HS6ST3: variants seen among roughly 807,000 people sequenced by gnomAD.
HS6ST3 encodes heparan-sulfate 6-O-sulfotransferase 3.
HS6ST3 carries 12 observed loss-of-function variants against 36.7 expected under a neutral mutation model. The ratio of observed to expected loss-of-function variants is 0.33; its 90% CI spans 0.21 to 0.53. The LOEUF (loss-of-function observed/expected upper bound fraction) is 0.53. HS6ST3 is among the 20% of genes least tolerant of loss of function. The pLI is 0.95. For synonymous variants in HS6ST3, 240 were observed against 257.5 expected, an observed-to-expected ratio of 0.93 and a Z score of 0.65; for missense variants, 584 against 640.9, an observed-to-expected ratio of 0.91 and a Z score of 0.96.
At chr13:96,222,345 G>A (rs564225741) in intron 1 of HS6ST3, among the ~76,000 whole-genome samples, 111 of 152,340 alleles carry the variant, frequency 7.3e-4, no homozygotes, top group African/African-American at 2.5e-3. Flanking sequence ...ATTGAAAGGT[G>A]ATTGCAACAT....
In HS6ST3 at chr13:96,432,745, T is replaced by C. The variant is rs192889625; in HGVS notation, c.707+341176T>C. Among the ~76,000 whole-genome samples, 801 of 152,176 alleles carry C rather than the reference T, an allele frequency of 5.3e-3. 4 individuals are homozygous for C. The highest frequency in any genetic ancestry group is 9.0e-3 in the Non-Finnish European group (614 of 67,998). On this transcript the variant is annotated intron_variant, in intron 1 of 1. Transcript: ENST00000376705. ...AACATGGGCAGGAATGAGGAGAAAG[T>C]GAGAGGATGAAAATGAGAGAATCAA...
chr13:96,830,908 C>A (rs997022696), intron 1 of HS6ST3, among the ~76,000 whole-genome samples: 1 of 152,152 alleles, frequency 6.6e-6, no homozygotes, highest in African/African-American at 2.4e-5. Flanking sequence ...TGCTAAAGGA[C>A]AAAAGGCTGC....
At chr13:96,522,199 A>G (rs2056096337) in intron 1 of HS6ST3, among the ~76,000 whole-genome samples, 3 of 152,182 alleles carry the variant, frequency 2.0e-5, no homozygotes, top group South Asian at 4.1e-4. Context: ...ATTTGATTCC[A>G]CTATGGTCTC....
At chr13:96,221,797 A>G (rs555018533) in intron 1 of HS6ST3, among the ~76,000 whole-genome samples, 66 of 152,362 alleles carry the variant, frequency 4.3e-4, no homozygotes, top group African/African-American at 1.6e-3. Context: ...TGTAAGCAAC[A>G]TAGAAGATCC....
chr13:96,134,627 T>C (rs1188128803), intron 1 of HS6ST3, among the ~76,000 whole-genome samples: 1 of 152,226 alleles, frequency 6.6e-6, no homozygotes, highest in Non-Finnish European at 1.5e-5. Flanking sequence ...ATATTCCATT[T>C]CTTTATTATT....
intron 1 of HS6ST3, among the ~76,000 whole-genome samples, chr13:96,570,940 A>G (rs1400582393): frequency 1.3e-5 from 2 of 152,110 alleles, no homozygotes; most frequent in Admixed American, 1.3e-4. Flanking sequence ...ATATGAGCAG[A>G]ATTCTGTGTG....
intron 1 of HS6ST3, among the ~76,000 whole-genome samples, chr13:96,564,743 CTAAA>C (rs1341316782): frequency 2.0e-5 from 3 of 152,044 alleles, no homozygotes; most frequent in African/African-American, 7.2e-5. Flanking sequence ...CCTCATGACC[CTAAA>C]TAAATACACA....
intron 1 of HS6ST3, among the ~76,000 whole-genome samples, chr13:96,210,059 T>C (rs1435737998): frequency 3.3e-5 from 5 of 152,180 alleles, no homozygotes; most frequent in Non-Finnish European, 1.5e-5. Context: ...TATTGAGTGA[T>C]TGAAAGACTG....
chr13:96,521,527 G>A (rs1041493776), intron 1 of HS6ST3, among the ~76,000 whole-genome samples: 5 of 152,120 alleles, frequency 3.3e-5, no homozygotes, highest in Admixed American at 6.6e-5. Flanking sequence ...CTCAATTTCA[G>A]AACCTGTTAT....
intron 1 of HS6ST3, among the ~76,000 whole-genome samples, chr13:96,649,463 G>A (rs895845770): frequency 6.6e-6 from 1 of 152,022 alleles, no homozygotes; most frequent in Non-Finnish European, 1.5e-5. Context: ...TATTTGGGTA[G>A]GGACACAGCC....
intron 1 of HS6ST3, among the ~76,000 whole-genome samples, chr13:96,270,014 T>C (rs1180828983): frequency 6.6e-6 from 1 of 151,884 alleles, no homozygotes; most frequent in Non-Finnish European, 1.5e-5. Flanking sequence ...AACCAAACTG[T>C]CCTTTGGTCA....
chr13:96,145,918 C>G (rs2054055759), intron 1 of HS6ST3, among the ~76,000 whole-genome samples: 1 of 152,168 alleles, frequency 6.6e-6, no homozygotes, highest in African/African-American at 2.4e-5. Flanking sequence ...GGAATCCTTT[C>G]CCCATTTCTT....
chr13:96,736,988 C>CA (rs1462810051), intron 1 of HS6ST3, among the ~76,000 whole-genome samples: 1 of 151,232 alleles, frequency 6.6e-6, no homozygotes, highest in African/African-American at 2.4e-5. Context: ...GATTCACTAA[C>CA]AAAAAAAATT....
chr13:96,283,701 T>C (rs2054786491), intron 1 of HS6ST3, among the ~76,000 whole-genome samples: 1 of 152,234 alleles, frequency 6.6e-6, no homozygotes, highest in Non-Finnish European at 1.5e-5. Context: ...ATTTGCTTTT[T>C]TCCAACAAAA....
chr13:96,527,647 A>G (rs1480250916), intron 1 of HS6ST3, among the ~76,000 whole-genome samples: 1 of 152,174 alleles, frequency 6.6e-6, no homozygotes, highest in Admixed American at 6.6e-5. Flanking sequence ...ACTACAAGTG[A>G]TGAGCAGTGG....
At chr13:96,751,597 C>G (rs1387373547) in intron 1 of HS6ST3, among the ~76,000 whole-genome samples, 1 of 152,148 alleles carries the variant, frequency 6.6e-6, no homozygotes, top group Non-Finnish European at 1.5e-5. Context: ...TATAGACAGA[C>G]AGGAATTTAT....
intron 1 of HS6ST3, among the ~76,000 whole-genome samples, chr13:96,548,833 C>A (rs148123462): frequency 6.6e-6 from 1 of 152,142 alleles, no homozygotes; most frequent in African/African-American, 2.4e-5. Context: ...AGCTCACCCA[C>A]GTGAGAGAGG....
chr13:96,808,424 G>A (rs1469860344), intron 1 of HS6ST3, among the ~76,000 whole-genome samples: 4 of 152,170 alleles, frequency 2.6e-5, no homozygotes, highest in Non-Finnish European at 5.9e-5. Flanking sequence ...ATGGCAGCCA[G>A]CAACGTTCGA....
At chr13:96,521,056 TA>T (rs2056091347) in intron 1 of HS6ST3, among the ~76,000 whole-genome samples, 1 of 152,222 alleles carries the variant, frequency 6.6e-6, no homozygotes, top group Admixed American at 6.5e-5. Flanking sequence ...GTTTTTAGCA[TA>T]GAAGGCTGTT....
Sources: gnomAD v4.1 joint callset for allele counts (sites outside exome capture counted in the v4.1 genomes callset) on GRCh38, gnomAD v4.1.1 for gene constraint, MANE v1.5 for transcripts, NCBI Gene and HGNC (gene_info 2026-07-23, HGNC 2026-07-21) for gene names.